FER: variants seen among roughly 807,000 people sequenced by gnomAD.
The protein encoded by FER is tyrosine-protein kinase Fer.
Under a neutral mutation model 111.0 loss-of-function variants are expected in FER, and 63 were observed. The ratio of observed to expected loss-of-function variants is 0.57; its 90% CI spans 0.46 to 0.70. The LOEUF is 0.70. Among genes scored for constraint, FER ranks in the 30% least tolerant of loss-of-function variants. The pLI is 0.00. For synonymous variants in FER, 327 were observed against 313.9 expected, an observed-to-expected ratio of 1.04 and a Z score of -0.44; for missense variants, 914 against 954.0, an observed-to-expected ratio of 0.96 and a Z score of 0.55.
intron 5 of FER, among the ~76,000 whole-genome samples, chr5:108,847,967 A>G (rs1411419004): frequency 6.6e-6 from 1 of 152,094 alleles, no homozygotes; most frequent in Non-Finnish European, 1.5e-5. Flanking sequence ...AGCTCGCTGC[A>G]GCCTCGAACT....
At chr5:108,905,796 C>T (rs1474439852) in intron 10 of FER, among the ~76,000 whole-genome samples, 2 of 152,068 alleles carry the variant, frequency 1.3e-5, no homozygotes, top group Non-Finnish European at 2.9e-5. Context: ...TGAATAGGTA[C>T]AGAATTTCAA....
intron 17 of FER, among the ~76,000 whole-genome samples, chr5:109,147,222 T>C (rs986671318): frequency 6.6e-5 from 10 of 151,890 alleles, no homozygotes; most frequent in African/African-American, 2.4e-4. Context: ...AAATACAGAA[T>C]AAAAATAAAT....
chr5:108,998,326 A>G (rs1764278616), intron 13 of FER, among the ~76,000 whole-genome samples: 1 of 152,108 alleles, frequency 6.6e-6, no homozygotes, highest in African/African-American at 2.4e-5. Context: ...AGACTGGGAA[A>G]AGCACAGTAT....
intron 3 of FER, among the ~76,000 whole-genome samples, chr5:108,826,486 G>C (rs1275673953): frequency 6.6e-6 from 1 of 152,062 alleles, no homozygotes; most frequent in Non-Finnish European, 1.5e-5. Context: ...CTCCTGGGCT[G>C]AAACGGTCCT....
Position 108,897,841 on chromosome 5 carries a change from C to A in FER, c.1229C>A (p.Thr410Lys). The part of the protein sequence containing the change: ...VNYEEDARSV[T>K]SMERKERLSK... ...TATGAAGAAGATGCACGATCAGTTA[C>A]ATCTATGGTAAGCTAAAGAATAATC... The change falls in exon 10 of 20, where the codon ACA (threonine) becomes AAA (lysine). Residue 410 changes from threonine (T) to lysine (K), a missense_variant. Around this residue, in one of 3 missense-constraint regions of FER, gnomAD observed 774 missense variants for 782.6 expected, o/e 0.99. Coordinates refer to ENST00000281092, the MANE Select transcript of FER (RefSeq NM_005246.4). The A allele has an allele frequency of 1.2e-6, 2 of 1,608,304 alleles. No homozygotes were observed. The highest frequency in any genetic ancestry group is 1.7e-6 in the Non-Finnish European group (2 of 1,177,808).
chr5:109,182,690 T>G (rs1199893805), intron 18 of FER, among the ~76,000 whole-genome samples: 1 of 152,186 alleles, frequency 6.6e-6, no homozygotes, highest in Non-Finnish European at 1.5e-5. Flanking sequence ...TAAACAATTT[T>G]GCCAAGTAAA....
At position 108,783,513 on chromosome 5, in the gene FER, G is replaced by A. The variant is rs117889675; in HGVS notation, c.-59-14611G>A. 3.3e-4 allele frequency among the ~76,000 whole-genome samples: 51 copies of A among 152,278 alleles called. 1 individual carries two copies. The East Asian group carries it at 9.3e-3, about 28-fold the overall frequency. On this transcript the variant is annotated intron_variant, in intron 2 of 19. Coordinates refer to ENST00000281092, the MANE Select transcript of FER (RefSeq NM_005246.4). ...ATTTTTCTTGGTTCTTGGTGTGACA[G>A]GTGATTTCCATTTGAAACTTAAATA... is the stretch of plus-strand genomic sequence containing the variant.
intron 10 of FER, among the ~76,000 whole-genome samples, chr5:108,922,993 T>C (rs1259833976): frequency 2.0e-5 from 3 of 152,138 alleles, no homozygotes; most frequent in Admixed American, 2.0e-4. Flanking sequence ...TGGCATCAGC[T>C]ATTTTTTGGC....
intron 17 of FER, among the ~76,000 whole-genome samples, chr5:109,144,268 T>C (rs181246758): frequency 6.6e-6 from 1 of 152,278 alleles, no homozygotes; most frequent in East Asian, 1.9e-4. Flanking sequence ...AAATTGGATA[T>C]CAGAGAGGCT....
At chr5:108,766,985 T>G (rs1241107217) in intron 1 of FER, among the ~76,000 whole-genome samples, 2 of 152,102 alleles carry the variant, frequency 1.3e-5, no homozygotes, top group Non-Finnish European at 2.9e-5. Context: ...AATTCAAGGA[T>G]CATACTTTGG....
At chr5:108,957,498 T>C (rs1440613887) in intron 12 of FER, among the ~76,000 whole-genome samples, 1 of 151,602 alleles carries the variant, frequency 6.6e-6, no homozygotes, top group African/African-American at 2.4e-5. Context: ...TTACACACTG[T>C]TGATGGGAAT....
intron 3 of FER, among the ~76,000 whole-genome samples, chr5:108,820,948 C>G (rs1445339537): frequency 2.0e-5 from 3 of 152,216 alleles, no homozygotes; most frequent in African/African-American, 4.8e-5. Flanking sequence ...CCTGTCTTTA[C>G]TAAAAATACA....
At position 108,894,345 on chromosome 5, in the gene FER, C is replaced by T. The variant is rs932493989; in HGVS notation, c.1047-3314C>T. ...GAAGGGGAAGAGGAGGAGGAGCCAT[C>T]ACTGTTTCTGCTGCAAGGGTTCCTT... On this transcript the variant is annotated intron_variant, in intron 9 of 19. Coordinates refer to ENST00000281092, the MANE Select transcript of FER (RefSeq NM_005246.4). 1.3e-5 allele frequency: 13 copies of T among 978,882 alleles called. No individual in the cohort carries two copies. The African/African-American group carries it at 2.3e-4, about 17-fold the overall frequency. The allele number at this position is 978,882 out of a possible 1,614,324, so 60.6% of individuals were successfully genotyped here. A position where few individuals can be genotyped will look rare whatever the true frequency, so the allele number is the denominator to read the frequency against.
At chr5:108,857,766 A>G (rs1561522318) in intron 5 of FER, among the ~76,000 whole-genome samples, 2 of 152,102 alleles carry the variant, frequency 1.3e-5, no homozygotes, top group South Asian at 2.1e-4. Flanking sequence ...GAATGAACTC[A>G]CAGATTCTGA....
chr5:108,780,950 A>G (rs1218981445), intron 2 of FER, among the ~76,000 whole-genome samples: 1 of 151,944 alleles, frequency 6.6e-6, no homozygotes, highest in East Asian at 1.9e-4. Flanking sequence ...TGAACCCAAC[A>G]TAGGCATTCT....
chr5:108,969,299 T>A (rs1330854324), intron 13 of FER, among the ~76,000 whole-genome samples: 1 of 152,176 alleles, frequency 6.6e-6, no homozygotes, highest in East Asian at 1.9e-4. Context: ...CATTAGGGGC[T>A]AGTTAAATAA....
intron 13 of FER, among the ~76,000 whole-genome samples, chr5:108,998,065 C>G (rs1250515612): frequency 6.6e-6 from 1 of 151,746 alleles, no homozygotes; most frequent in Non-Finnish European, 1.5e-5. Context: ...CTTAGCTTGC[C>G]AGGCTCCGTG....
chr5:108,977,094 A>G (rs72789335), intron 13 of FER, among the ~76,000 whole-genome samples: 17,597 of 152,218 alleles, frequency 0.12, 1,097 homozygotes, highest in Middle Eastern at 0.16. Context: ...TTTTAAGCAG[A>G]TATTTGCAAC....
Position 109,157,437 on chromosome 5 carries a change from T to C in FER, c.2049-23310T>C, listed in dbSNP as rs1464230293. On this transcript the variant is annotated intron_variant, in intron 17 of 19. Coordinates refer to ENST00000281092, the MANE Select transcript of FER (RefSeq NM_005246.4). The stretch of plus-strand genomic sequence containing the variant: ...CCTGGACTGTCATTTTTGTAAACCA[T>C]TGTCTTCTTGTTGGAATTTTCTGCT... 2.6e-5 allele frequency among the ~76,000 whole-genome samples: 4 copies of C among 152,106 alleles called. No homozygotes were observed. In the South Asian group the frequency reaches 8.3e-4, roughly 32 times the overall value.
Sources: allele counts gnomAD v4.1 joint callset (sites outside exome capture counted in the v4.1 genomes callset), GRCh38; gene constraint gnomAD v4.1.1; regional missense constraint gnomAD v4.1.1; transcripts MANE v1.5; gene names NCBI Gene and HGNC (gene_info 2026-07-23, HGNC 2026-07-21).